Variants in CMYA5 observed in about 807,000 individuals in gnomAD.
The protein encoded by CMYA5 is cardiomyopathy-associated protein 5.
CMYA5 carries 246 observed loss-of-function variants against 318.9 expected under a neutral mutation model. That is an observed-to-expected ratio of 0.77 (90% confidence interval 0.70 to 0.86). The LOEUF is 0.86. Among genes scored for constraint, CMYA5 ranks in the 40% least tolerant of loss-of-function variants. The probability of loss-of-function intolerance (pLI) is 0.00; values close to 1 mark genes in which losing one functional copy is unlikely to be tolerated. For missense variants in CMYA5, 4,589 were observed against 4,678.2 expected, an observed-to-expected ratio of 0.98 and a Z score of 0.56; for synonymous variants, 1,641 against 1,729.5, an observed-to-expected ratio of 0.95 and a Z score of 1.27.
chr5:79,761,610 C>T (rs1254911880), intron 7 of CMYA5, among the ~76,000 whole-genome samples: 1 of 152,170 alleles, frequency 6.6e-6, no homozygotes, highest in Admixed American at 6.5e-5. Flanking sequence ...ACAAGTATTA[C>T]TATGTCATCC....
Position 79,733,440 on chromosome 5 carries a change from C to T in CMYA5, c.4675C>T (p.Pro1559Ser), listed in dbSNP as rs1006770501. The T allele has an allele frequency of 1.9e-6, 3 of 1,613,670 alleles. No individual in the cohort carries two copies. The highest frequency in any genetic ancestry group is 2.5e-6 in the Non-Finnish European group (3 of 1,179,840). The change falls in exon 2 of 13, where the codon CCA becomes TCA. Residue 1559 changes from proline to serine, a missense_variant. Around this residue, in one of 3 missense-constraint regions of CMYA5, gnomAD observed 2,132 missense variants for 2,131.3 expected, o/e 1.00. Coordinates refer to ENST00000446378, the MANE Select transcript of CMYA5 (RefSeq NM_153610.5). ...GTCACCTGCATCCAAACATATAATC[C>T]CAAAAGGCAAAGATGAGGAAACAGC... Reference protein sequence around the residue: ...NVSPASKHIIPKGKDEETASS... With the variant: ...NVSPASKHIISKGKDEETASS...
In CMYA5 at chr5:79,730,428, G is replaced by T; in HGVS notation, c.1663G>T (p.Val555Leu). The T allele has an allele frequency of 6.2e-7, 1 of 1,613,856 alleles. No individual in the cohort carries two copies. Among genetic ancestry groups the T allele is most frequent in the Non-Finnish European group, 8.5e-7 (1 of 1,179,896 alleles). The stretch of plus-strand genomic sequence containing the variant: ...CTTCCCACCACATATGTCCCCTGAA[G>T]TGGAGCACAAAGAAGAAGAGCTTAT... ...KPFPPHMSPE[V>L]EHKEEELILP... The change falls in exon 2 of 13, where the codon GTG (valine) becomes TTG (leucine). Residue 555 changes from valine (V) to leucine (L), a missense_variant. Physicochemically the swap from Val to Leu is conservative, Grantham distance 32. Transcript: ENST00000446378.
Position 79,730,519 on chromosome 5 carries a change from T to C in CMYA5, c.1754T>C (p.Ile585Thr), listed in dbSNP as rs1265437003. Reference sequence around the variant, plus strand: ...TTGTCTGAGGAAGAAAGAGAGGAAATTGCATCTGTTTCTACTGGTTCTGCT... The same window carrying C: ...TTGTCTGAGGAAGAAAGAGAGGAAACTGCATCTGTTTCTACTGGTTCTGCT... ...VALSEEEREEIASVSTGSAFV... is the reference protein window; with the variant it reads ...VALSEEEREETASVSTGSAFV... Residue 585 changes from isoleucine (I) to threonine (T), a missense_variant, in exon 2 of 13, where the codon ATT (isoleucine) becomes ACT (threonine). This residue lies in a region of CMYA5 where 2,132 missense variants were observed against 2,131.3 expected (regional missense o/e 1.00). Coordinates refer to ENST00000446378, the MANE Select transcript of CMYA5 (RefSeq NM_153610.5). 1 of 1,613,900 alleles carries C rather than the reference T, an allele frequency of 6.2e-7. No individual in the cohort carries two copies. Among genetic ancestry groups the C allele is most frequent in the Non-Finnish European group, 8.5e-7 (1 of 1,179,866 alleles).
At position 79,729,071 on chromosome 5, in the gene CMYA5, G is replaced by C. The variant is rs757816365; in HGVS notation, c.306G>C (p.Gln102His). ...CTCCTTGGGCTTCAGAAGAAAGTCA[G>C]ACTTCTGGTGTGTGTAGTCGGGAAG... is the stretch of plus-strand genomic sequence containing the variant. The part of the protein sequence containing the change: ...SSTPWASEES[Q>H]TSGVCSREGS... The change falls in exon 2 of 13, where the codon CAG becomes CAC. Residue 102 changes from glutamine to histidine, a missense_variant. This residue lies in a region of CMYA5 where 2,132 missense variants were observed against 2,131.3 expected (regional missense o/e 1.00). Coordinates refer to ENST00000446378, the MANE Select transcript of CMYA5 (RefSeq NM_153610.5). 2.5e-6 allele frequency: 4 copies of C among 1,613,802 alleles called. No individual in the cohort carries two copies. The highest frequency in any genetic ancestry group is 3.4e-6 in the Non-Finnish European group (4 of 1,179,882).
intron 9 of CMYA5, among the ~76,000 whole-genome samples, chr5:79,774,693 C>T (rs1242724013): frequency 6.6e-6 from 1 of 152,132 alleles, no homozygotes; most frequent in Non-Finnish European, 1.5e-5. Flanking sequence ...GGGAGTTGGG[C>T]TCAGGGTGCT....
At chr5:79,797,976 C>G (rs572645855) in intron 12 of CMYA5, among the ~76,000 whole-genome samples, 1 of 152,188 alleles carries the variant, frequency 6.6e-6, no homozygotes, top group Admixed American at 6.5e-5. Context: ...CCAGCTCACA[C>G]TGCCAGTCCC....
At chr5:79,740,879 G>GT (rs2151089221) in intron 2 of CMYA5, among the ~76,000 whole-genome samples, 1 of 152,122 alleles carries the variant, frequency 6.6e-6, no homozygotes, top group Admixed American at 6.5e-5. Flanking sequence ...TTTTGTTTCT[G>GT]TTTTTTAGAG....
intron 10 of CMYA5, among the ~76,000 whole-genome samples, chr5:79,790,599 T>C (rs1050182893): frequency 2.1e-4 from 32 of 152,178 alleles, no homozygotes; most frequent in African/African-American, 7.2e-4. Context: ...TGCACACAGA[T>C]TTCCTGAGGA....
chr5:79,704,817 C>T (rs535631719), intron 1 of CMYA5, among the ~76,000 whole-genome samples: 44 of 152,260 alleles, frequency 2.9e-4, no homozygotes, highest in Non-Finnish European at 5.7e-4. Context: ...TTCCTGTTTC[C>T]CCTTCACTGG....
intron 5 of CMYA5, among the ~76,000 whole-genome samples, chr5:79,749,325 G>A (rs140829414): frequency 2.3e-3 from 343 of 152,264 alleles, no homozygotes; most frequent in African/African-American, 7.8e-3. Context: ...GAAGCTGGGC[G>A]CCATCACTGA....
At chr5:79,707,746 C>T (rs559872725) in intron 1 of CMYA5, among the ~76,000 whole-genome samples, 106 of 152,236 alleles carry the variant, frequency 7.0e-4, no homozygotes, top group African/African-American at 2.5e-3. Flanking sequence ...ACCTTCAAGC[C>T]CCGGAAAGGA....
intron 1 of CMYA5, among the ~76,000 whole-genome samples, chr5:79,726,648 G>A (rs769754206): frequency 6.6e-6 from 1 of 152,146 alleles, no homozygotes; most frequent in African/African-American, 2.4e-5. Context: ...GCTATTGCAG[G>A]CTAGTGGCCC....
intron 2 of CMYA5, among the ~76,000 whole-genome samples, chr5:79,740,241 C>T (rs1167589996): frequency 3.9e-5 from 6 of 152,138 alleles, no homozygotes; most frequent in African/African-American, 1.4e-4. Context: ...ATATTGAAGA[C>T]AACTGTACAC....
intron 1 of CMYA5, among the ~76,000 whole-genome samples, chr5:79,708,404 G>A (rs1176630073): frequency 2.0e-5 from 3 of 151,960 alleles, no homozygotes; most frequent in African/African-American, 4.8e-5. Context: ...GGCAGATCAC[G>A]AGGTCAGGAG....
intron 1 of CMYA5, among the ~76,000 whole-genome samples, chr5:79,715,609 C>A (rs1827501079): frequency 6.6e-6 from 1 of 151,892 alleles, no homozygotes; most frequent in African/African-American, 2.4e-5. Context: ...TTATTACTGT[C>A]TCTGGAAACT....
At position 79,752,793 on chromosome 5, in the gene CMYA5, T is replaced by C. The variant is rs769738809; in HGVS notation, c.11109T>C (p.Ala3703=). 4.4e-6 allele frequency: 7 copies of C among 1,608,156 alleles called. No individual in the cohort carries two copies. The highest frequency in any genetic ancestry group is 2.2e-5 in the South Asian group (2 of 90,800). Residue 3703 remains alanine (A), a splice_region_variant and synonymous_variant, in exon 6 of 13, where the codon GCT becomes GCC. Coordinates refer to ENST00000446378, the MANE Select transcript of CMYA5 (RefSeq NM_153610.5). Reference sequence around the variant, plus strand: ...GTGACCAGATGTTAAAACAAGTGGCTGGTAAGCATTTTAATATATTAATTA... The same window carrying C: ...GTGACCAGATGTTAAAACAAGTGGCCGGTAAGCATTTTAATATATTAATTA... The part of the protein sequence containing the change: ...ARSDQMLKQV[A]VPQPPRLEPQ...
At chr5:79,722,452 A>G (rs1014921943) in intron 1 of CMYA5, among the ~76,000 whole-genome samples, 1 of 152,044 alleles carries the variant, frequency 6.6e-6, no homozygotes, top group East Asian at 1.9e-4. Flanking sequence ...TGAGCTGGGC[A>G]GATCACTTGG....
At chr5:79,790,916 G>A in intron 10 of CMYA5, 54 bp from the exon 11 acceptor site, 1 of 1,208,514 alleles carries the variant, frequency 8.3e-7, no homozygotes, top group Non-Finnish European at 1.2e-6. Flanking sequence ...TTAGCCTAGG[G>A]ACAGCACTGG....
chr5:79,747,068 C>G, intron 4 of CMYA5, 23 bp from the exon 5 acceptor site: 1 of 1,367,108 alleles, frequency 7.3e-7, no homozygotes. Flanking sequence ...TCTCCTCCTC[C>G]TTCCTCTCTC....
Sources: allele counts gnomAD v4.1 joint callset (sites outside exome capture counted in the v4.1 genomes callset), GRCh38; gene constraint gnomAD v4.1.1; regional missense constraint gnomAD v4.1.1; transcripts MANE v1.5; gene names NCBI Gene and HGNC (gene_info 2026-07-23, HGNC 2026-07-21).